Variants in ST8SIA2 observed in about 807,000 individuals in gnomAD.
ST8SIA2 encodes alpha-2,8-sialyltransferase 8B.
ST8SIA2 carries 22 observed loss-of-function variants against 37.6 expected under a neutral mutation model. The ratio of observed to expected loss-of-function variants is 0.58; its 90% CI spans 0.42 to 0.83. The LOEUF is 0.83. ST8SIA2 is among the 40% of genes least tolerant of loss of function. The pLI is 0.00. For synonymous variants in ST8SIA2, 205 were observed against 201.2 expected (o/e 1.02, Z -0.16); for missense variants, 382 against 484.7 (o/e 0.79, Z 1.99).
At chr15:92,428,056 C>A (rs961161734) in intron 1 of ST8SIA2, among the ~76,000 whole-genome samples, 1 of 152,144 alleles carries the variant, frequency 6.6e-6, no homozygotes, top group Admixed American at 6.6e-5. Flanking sequence ...TGCAGGTACT[C>A]CTGGTACTCG....
intron 5 of ST8SIA2, among the ~76,000 whole-genome samples, chr15:92,451,896 A>G (rs1340616812): frequency 1.3e-5 from 2 of 152,186 alleles, no homozygotes; most frequent in African/African-American, 4.8e-5. Context: ...ACACATAACT[A>G]GGAAATAGTG....
intron 2 of ST8SIA2, among the ~76,000 whole-genome samples, chr15:92,431,467 C>G (rs1257211360): frequency 1.3e-5 from 2 of 152,144 alleles, no homozygotes; most frequent in Non-Finnish European, 2.9e-5. Flanking sequence ...TAACCCAACA[C>G]CTGATATGTT....
rs1269819700 is a variant in ST8SIA2, at chr15:92,394,145, G to A, written c.81G>A (p.Glu27=). 1.9e-6 allele frequency: 3 copies of A among 1,557,790 alleles called. No homozygotes were observed. Among genetic ancestry groups the A allele is most frequent in the Admixed American group, 1.9e-5 (1 of 51,640 alleles). ...VVFLIFADIS[E]IEEEIGNSGG... is the part of the protein sequence containing the mutation. The stretch of plus-strand genomic sequence containing the variant: ...TCCTCATCTTCGCAGACATCTCAGA[G>A]ATCGAAGAAGAAATCGGGTAAATAG... Residue 27 remains glutamate (E), a synonymous_variant, in exon 1 of 6, where the codon GAG becomes GAA. Transcript: ENST00000268164.
intron 1 of ST8SIA2, among the ~76,000 whole-genome samples, chr15:92,396,918 A>G (rs1358513101): frequency 1.3e-5 from 2 of 152,204 alleles, no homozygotes; most frequent in African/African-American, 4.8e-5. Flanking sequence ...CTTCCTCACC[A>G]TATGCCTTCC....
intron 2 of ST8SIA2, 53 bp downstream of exon 2, chr15:92,430,164 A>T: frequency 6.4e-7 from 1 of 1,552,344 alleles, no homozygotes; most frequent in Non-Finnish European, 8.9e-7. Context: ...GCAGCTATTA[A>T]TCTGCTTCTC....
chr15:92,411,960 C>T (rs1306820174), intron 1 of ST8SIA2, among the ~76,000 whole-genome samples: 2 of 152,052 alleles, frequency 1.3e-5, no homozygotes, highest in Admixed American at 6.6e-5. Context: ...GAGGGAAGTA[C>T]GAGGCAACCA....
chr15:92,446,934 T>C (rs955412191), intron 5 of ST8SIA2, among the ~76,000 whole-genome samples: 1 of 152,120 alleles, frequency 6.6e-6, no homozygotes, highest in African/African-American at 2.4e-5. Context: ...AGAATGCACA[T>C]ATGTTTGTGG....
chr15:92,425,272 C>T (rs889632659), intron 1 of ST8SIA2, among the ~76,000 whole-genome samples: 1 of 152,206 alleles, frequency 6.6e-6, no homozygotes, highest in Non-Finnish European at 1.5e-5. Flanking sequence ...ACATCTGCAG[C>T]CCAGTTTCTT....
chr15:92,442,939 G>A (rs2141837886), intron 4 of ST8SIA2, among the ~76,000 whole-genome samples: 1 of 152,142 alleles, frequency 6.6e-6, no homozygotes, highest in Non-Finnish European at 1.5e-5. Flanking sequence ...CACACACTGG[G>A]CCTCCATTTC....
intron 1 of ST8SIA2, among the ~76,000 whole-genome samples, chr15:92,401,636 C>T (rs575473768): frequency 6.6e-6 from 1 of 152,338 alleles, no homozygotes; most frequent in East Asian, 1.9e-4. Context: ...CAGCATCCAG[C>T]CTCGCTGTGT....
chr15:92,409,580 T>C (rs2049534651), intron 1 of ST8SIA2, among the ~76,000 whole-genome samples: 1 of 152,188 alleles, frequency 6.6e-6, no homozygotes, highest in African/African-American at 2.4e-5. Flanking sequence ...ATTTCTTTCC[T>C]GTTCATTTCT....
intron 1 of ST8SIA2, among the ~76,000 whole-genome samples, chr15:92,394,809 C>A (rs1201079190): frequency 6.6e-6 from 1 of 152,200 alleles, no homozygotes; most frequent in Non-Finnish European, 1.5e-5. Context: ...TTTGGACGTT[C>A]AGCCAAGCCA....
At chr15:92,433,471 G>A (rs1421836001) in intron 2 of ST8SIA2, among the ~76,000 whole-genome samples, 1 of 152,214 alleles carries the variant, frequency 6.6e-6, no homozygotes, top group Non-Finnish European at 1.5e-5. Flanking sequence ...ATTCAAGCCA[G>A]TCCTATAATA....
chr15:92,431,875 A>T (rs192675090), intron 2 of ST8SIA2, among the ~76,000 whole-genome samples: 1 of 152,222 alleles, frequency 6.6e-6, no homozygotes, highest in African/African-American at 2.4e-5. Context: ...GCTATGCAGG[A>T]TGCCATCCAA....
chr15:92,394,338 G>A (rs1194414960), intron 1 of ST8SIA2, among the ~76,000 whole-genome samples, 176 bp downstream of exon 1: 1 of 152,154 alleles, frequency 6.6e-6, no homozygotes, highest in East Asian at 1.9e-4. Context: ...GGTTTGGGGA[G>A]AGGAGGGTGG....
chr15:92,455,277 C>T (rs770825260), intron 5 of ST8SIA2, among the ~76,000 whole-genome samples: 23 of 152,030 alleles, frequency 1.5e-4, no homozygotes, highest in Admixed American at 3.9e-4. Flanking sequence ...TGGAAGCGTG[C>T]TCCATGAAAG....
intron 1 of ST8SIA2, among the ~76,000 whole-genome samples, chr15:92,409,037 T>C (rs534143378): frequency 1.3e-5 from 2 of 152,320 alleles, no homozygotes; most frequent in East Asian, 3.9e-4. Context: ...ACACCCACTT[T>C]CATTTTTGCC....
chr15:92,408,849 G>A (rs918209750), intron 1 of ST8SIA2, among the ~76,000 whole-genome samples: 1 of 152,048 alleles, frequency 6.6e-6, no homozygotes, highest in Non-Finnish European at 1.5e-5. Flanking sequence ...GGGATTACAG[G>A]TGTGCGCCAC....
chr15:92,433,205 C>T (rs2141830149), intron 2 of ST8SIA2, among the ~76,000 whole-genome samples: 1 of 151,970 alleles, frequency 6.6e-6, no homozygotes, highest in East Asian at 1.9e-4. Flanking sequence ...TCTTTTTTAA[C>T]TTGGCTGTTT....
Sources: gnomAD v4.1 joint callset for allele counts (sites outside exome capture counted in the v4.1 genomes callset) on GRCh38, gnomAD v4.1.1 for gene constraint, MANE v1.5 for transcripts, NCBI Gene and HGNC (gene_info 2026-07-23, HGNC 2026-07-21) for gene names.